PCDH11Y: variants seen among roughly 807,000 people sequenced by gnomAD.
PCDH11Y encodes protocadherin 11 Y-linked, also known as protocadherin-11 Y-linked.
For missense variants in PCDH11Y, 12 were observed against 224.8 expected (o/e 0.05, Z 6.05); for synonymous variants, 9 against 83.6 (o/e 0.11, Z 4.87).
At chrY:5,455,176 T>C in intron 2 of PCDH11Y, among the ~76,000 whole-genome samples, 1 of 33,196 alleles carries the variant, frequency 3.0e-5, no homozygotes, top group Non-Finnish European at 7.4e-5. Flanking sequence ...ATATCATCAT[T>C]CTCAAGTTCA....
At chrY:5,197,439 G>A in intron 2 of PCDH11Y, among the ~76,000 whole-genome samples, 1 of 32,012 alleles carries the variant, frequency 3.1e-5, no homozygotes, top group African/African-American at 1.2e-4. Context: ...CAGGGATCTA[G>A]AACTAGAAAT....
At chrY:5,407,914 A>T (rs2053242088) in intron 2 of PCDH11Y, among the ~76,000 whole-genome samples, 1 of 9,638 alleles carries the variant, frequency 1.0e-4, no homozygotes, top group Non-Finnish European at 1.8e-4. Flanking sequence ...ACTCCGTCTC[A>T]AAAAAAAAAA....
intron 3 of PCDH11Y, among the ~76,000 whole-genome samples, chrY:5,574,856 A>C: frequency 3.0e-5 from 1 of 32,856 alleles, no homozygotes; most frequent in Non-Finnish European, 7.5e-5. Flanking sequence ...AGGGGAACAG[A>C]ATAGAGAACC....
At chrY:5,558,892 T>C in intron 3 of PCDH11Y, among the ~76,000 whole-genome samples, 1 of 31,860 alleles carries the variant, frequency 3.1e-5, no homozygotes, top group African/African-American at 1.2e-4. Context: ...GAATGTTGAA[T>C]TGAATTAAAT....
downstream of PCDH11Y, among the ~76,000 whole-genome samples, chrY:5,105,934 C>G: frequency 3.3e-4 from 11 of 32,897 alleles, no homozygotes; most frequent in Non-Finnish European, 7.5e-4. Context: ...GCTAGAGTAA[C>G]TTATTTAAAT....
intron 2 of PCDH11Y, among the ~76,000 whole-genome samples, chrY:5,378,045 G>A (rs2053200193): frequency 1.1e-3 from 36 of 33,748 alleles, no homozygotes; most frequent in African/African-American, 3.8e-3. Flanking sequence ...GGCCTCTTTC[G>A]ATACTAACTG....
At chrY:5,445,658 C>T in intron 2 of PCDH11Y, among the ~76,000 whole-genome samples, 1 of 31,360 alleles carries the variant, frequency 3.2e-5, no homozygotes, top group African/African-American at 1.3e-4. Context: ...AACTTTTTGC[C>T]TGCCATCAAA....
At chrY:5,071,928 T>G in intron 1 of PCDH11Y, among the ~76,000 whole-genome samples, 1 of 33,389 alleles carries the variant, frequency 3.0e-5, no homozygotes, top group Non-Finnish European at 7.5e-5. Flanking sequence ...TTTACATTAA[T>G]TTTTAGACAA....
chrY:5,559,074 G>T, intron 3 of PCDH11Y, among the ~76,000 whole-genome samples: 1 of 32,714 alleles, frequency 3.1e-5, no homozygotes, highest in East Asian at 8.1e-4. Context: ...AAGCAAACTG[G>T]ATTAGAAAAT....
intron 2 of PCDH11Y, among the ~76,000 whole-genome samples, chrY:5,375,833 C>A: frequency 3.0e-5 from 1 of 33,447 alleles, no homozygotes. Context: ...TGAAAGAATA[C>A]AACCTTATAT....
chrY:5,419,931 C>A, intron 2 of PCDH11Y, among the ~76,000 whole-genome samples: 1 of 30,247 alleles, frequency 3.3e-5, no homozygotes, highest in African/African-American at 1.3e-4. Flanking sequence ...TTTATAACAC[C>A]TGTTAAGCAT....
chrY:5,017,993 A>C, intron 1 of PCDH11Y, among the ~76,000 whole-genome samples: 1 of 33,318 alleles, frequency 3.0e-5, no homozygotes, highest in Non-Finnish European at 7.4e-5. Context: ...TATGCACATA[A>C]ACTTTTCAAT....
chrY:5,517,588 A>G, intron 3 of PCDH11Y, among the ~76,000 whole-genome samples: 1 of 32,853 alleles, frequency 3.0e-5, no homozygotes, highest in Non-Finnish European at 7.6e-5. Flanking sequence ...AGGAGTAAAA[A>G]TAGAAATGCA....
intron 2 of PCDH11Y, among the ~76,000 whole-genome samples, chrY:5,490,573 G>T: frequency 5.8e-5 from 2 of 34,563 alleles, no homozygotes; most frequent in Admixed American, 2.6e-4. Flanking sequence ...TGTGATGGCA[G>T]TGGCGGCTGT....
At position 5,168,717 on chromosome Y, in the gene PCDH11Y, C is replaced by T; in HGVS notation, c.3129+68010C>T. 1.7e-4 allele frequency among the ~76,000 whole-genome samples: 4 copies of T among 24,129 alleles called. No homozygotes were observed. The Admixed American group carries it at 1.7e-3, about 10-fold the overall frequency. The allele number at this position is 24,129 out of a possible 37,273, so 64.7% of individuals were successfully genotyped here. A position where few individuals can be genotyped will look rare whatever the true frequency, so the allele number is the denominator to read the frequency against. ...GTTTAGATTAAAGAAAAATACTATT[C>T]GGGTATGAGATGAAAGCTATATAAA... On this transcript the variant is annotated intron_variant, in intron 2 of 4. Transcript: ENST00000400457.
chrY:5,395,025 A>G, intron 2 of PCDH11Y, among the ~76,000 whole-genome samples: 1 of 32,835 alleles, frequency 3.0e-5, no homozygotes, highest in East Asian at 7.9e-4. Flanking sequence ...CAAGGACCTC[A>G]CAGTCTTGTG....
intron 2 of PCDH11Y, among the ~76,000 whole-genome samples, chrY:5,315,862 C>T: frequency 6.2e-5 from 2 of 32,485 alleles, no homozygotes; most frequent in East Asian, 8.2e-4. Context: ...GAAGTACATT[C>T]TAACAACTGT....
chrY:5,434,636 G>T, intron 2 of PCDH11Y, among the ~76,000 whole-genome samples: 1 of 31,621 alleles, frequency 3.2e-5, no homozygotes, highest in Non-Finnish European at 7.6e-5. Context: ...AAATCACTAG[G>T]ATTACTGTTA....
chrY:5,478,711 G>A, intron 2 of PCDH11Y, among the ~76,000 whole-genome samples: 1 of 32,575 alleles, frequency 3.1e-5, no homozygotes, highest in Non-Finnish European at 7.6e-5. Flanking sequence ...CCTGTATTGG[G>A]TGCATTTATA....
Sources: allele counts gnomAD v4.1 joint callset (sites outside exome capture counted in the v4.1 genomes callset), GRCh38; gene constraint gnomAD v4.1.1; transcripts MANE v1.5; gene names NCBI Gene and HGNC (gene_info 2026-07-23, HGNC 2026-07-21).